The following PLXNA1 variants were observed in gnomAD, a reference collection of about 807,000 sequenced individuals.
PLXNA1 encodes the protein plexin A1, also known as plexin-A1.
PLXNA1 carries 77 observed loss-of-function variants against 191.7 expected under a neutral mutation model. The ratio of observed to expected loss-of-function variants is 0.40; its 90% CI spans 0.33 to 0.49. The LOEUF (loss-of-function observed/expected upper bound fraction) is 0.49, where lower values mean the gene tolerates loss of function less well. Among genes scored for constraint, PLXNA1 ranks in the 20% least tolerant of loss-of-function variants. The pLI is 0.63. For missense variants in PLXNA1, 2,110 were observed against 2,660.2 expected (o/e 0.79, Z 4.55); for synonymous variants, 1,137 against 1,156.4 (o/e 0.98, Z 0.34).
At chr3:126,996,589 TG>T (rs779344299) in intron 3 of PLXNA1, among the ~76,000 whole-genome samples, 10 of 152,052 alleles carry the variant, frequency 6.6e-5, no homozygotes, top group Admixed American at 4.6e-4. Flanking sequence ...GAGCTGGAGC[TG>T]GGGGGGCAAG....
In PLXNA1 at chr3:126,983,115, A is replaced by G. The variant is rs1305443934; in HGVS notation, c.-246A>G. On this transcript the variant is annotated 5_prime_UTR_variant, in exon 1 of 32. Transcript: ENST00000393409. The stretch of plus-strand genomic sequence containing the variant: ...GCAGCCGCGCGGCGCTCGGCGCCCC[A>G]TTCATGCTGGGCATCGGCTGCGCGG... Among the ~76,000 whole-genome samples the G allele has an allele frequency of 6.2e-5, 9 of 144,806 alleles. No individual in the cohort carries two copies. 95.0% of individuals were successfully genotyped at this position (144,806 alleles called of 152,430 possible). A position where few individuals can be genotyped will look rare whatever the true frequency, so the allele number is the denominator to read the frequency against.
rs79419790 is a variant in PLXNA1 at position 126,987,944 on chromosome 3, C to T, written c.-73-577C>T. On this transcript the variant is annotated intron_variant, in intron 1 of 31. Coordinates refer to ENST00000393409, the MANE Select transcript of PLXNA1 (RefSeq NM_032242.4). ...CCTGTGTGGCCTGGGCCTCCATGTCCTCCGTGGTGCCTCTGCTGTGGGCTG... is the reference window on the plus strand; with the variant it reads ...CCTGTGTGGCCTGGGCCTCCATGTCTTCCGTGGTGCCTCTGCTGTGGGCTG... Among the ~76,000 whole-genome samples, 1,264 of 152,158 alleles carry T rather than the reference C, an allele frequency of 8.3e-3. 60 individuals are homozygous for T. In the East Asian group the frequency reaches 0.091, roughly 11 times the overall value.
chr3:127,034,160 C>G lies in PLXNA1; in HGVS notation c.*143C>G, dbSNP rs2079227709. 3 of 705,060 alleles carry G rather than the reference C, an allele frequency of 4.3e-6. No homozygotes were observed. Among genetic ancestry groups the G allele is most frequent in the Non-Finnish European group, 7.0e-6 (3 of 425,854 alleles). 43.7% of individuals were successfully genotyped at this position (705,060 alleles called of 1,614,324 possible). On this transcript the variant is annotated 3_prime_UTR_variant, in exon 32 of 32. Coordinates refer to ENST00000393409, the MANE Select transcript of PLXNA1 (RefSeq NM_032242.4). Reference sequence around the variant, plus strand: ...GACTGCCCGGCCCTCCCTCCCCTGCCTCACCCGGTCGGGTCCCGGCTCTTC... The same window carrying G: ...GACTGCCCGGCCCTCCCTCCCCTGCGTCACCCGGTCGGGTCCCGGCTCTTC...
chr3:126,988,991 C>T lies in PLXNA1; in HGVS notation c.398C>T (p.Ala133Val), dbSNP rs2078975615. Residue 133 changes from alanine to valine, a missense_variant, in exon 2 of 32, where the codon GCC becomes GTC. Ala to Val is a moderately conservative substitution (Grantham distance 64). Transcript: ENST00000393409. The stretch of plus-strand genomic sequence containing the variant: ...AACCGCCTGCTGGCCTGTGGCAGCG[C>T]CTCCCAGGGCATCTGCCAGTTCCTG... ...AANRLLACGS[A>V]SQGICQFLRL... 1.2e-6 allele frequency: 2 copies of T among 1,613,216 alleles called. No individual in the cohort carries two copies. The highest frequency in any genetic ancestry group is 1.7e-6 in the Non-Finnish European group (2 of 1,180,032).
intron 3 of PLXNA1, among the ~76,000 whole-genome samples, chr3:126,995,055 C>CG (rs1210600476): frequency 6.6e-6 from 1 of 152,118 alleles, no homozygotes. Context: ...CTTTTCCGGG[C>CG]TTTAAAAAGT....
At chr3:127,006,289 G>A (rs958254916) in intron 8 of PLXNA1, 111 bp downstream of exon 8, 8 of 814,398 alleles carry the variant, frequency 9.8e-6, no homozygotes, top group Non-Finnish European at 4.2e-6. Context: ...ATGTGGCCAG[G>A]CAGCAGATGG....
intron 8 of PLXNA1, among the ~76,000 whole-genome samples, chr3:127,007,153 TG>T (rs1052649001): frequency 1.3e-5 from 2 of 152,148 alleles, no homozygotes; most frequent in African/African-American, 4.8e-5. Context: ...GTGGGGGAGC[TG>T]GCGGGTCAGG....
Position 127,016,018 on chromosome 3 carries a change from A to G in PLXNA1, c.3015-499A>G, listed in dbSNP as rs565390877. On this transcript the variant is annotated intron_variant, in intron 15 of 31. Coordinates refer to ENST00000393409, the MANE Select transcript of PLXNA1 (RefSeq NM_032242.4). ...TAGGAGTGGGTGCTGGGCTCCCAGCACTCGGAGCCCCGGCTGAGTGAGGCT... is the reference window on the plus strand; with the variant it reads ...TAGGAGTGGGTGCTGGGCTCCCAGCGCTCGGAGCCCCGGCTGAGTGAGGCT... Among the ~76,000 whole-genome samples, 8 of 152,190 alleles carry G rather than the reference A, an allele frequency of 5.3e-5. No individual in the cohort carries two copies. In the East Asian group the frequency reaches 1.6e-3, roughly 29 times the overall value.
rs567377855 is a variant in PLXNA1 at position 127,014,132 on chromosome 3, G to A, written c.2410+16G>A. ...AACATCCAGGGTGAGTGGGCGCCCC[G>A]GCGGGGTGGGCAGTGGGCGGGCCCG... On this transcript the variant is annotated intron_variant, in intron 11 of 31. Transcript: ENST00000393409. The A allele has an allele frequency of 8.7e-6, 14 of 1,613,314 alleles. No homozygotes were observed. The highest frequency in any genetic ancestry group is 5.0e-5 in the Admixed American group (3 of 60,014).
intron 20 of PLXNA1, 36 bp from the exon 21 acceptor site, chr3:127,020,166 A>G (rs375149605): frequency 2.5e-6 from 4 of 1,607,332 alleles, no homozygotes; most frequent in Non-Finnish European, 3.4e-6. Context: ...CGGGGCCACC[A>G]GGGCATGCTG....
chr3:127,018,198 A>G, intron 19 of PLXNA1, 96 bp from the exon 20 acceptor site: 2 of 1,121,846 alleles, frequency 1.8e-6, no homozygotes, highest in Non-Finnish European at 2.5e-6. Context: ...CCTTTCCCAC[A>G]GGCAGGTGTT....
chr3:126,993,543 C>T (rs1028000704), intron 3 of PLXNA1, among the ~76,000 whole-genome samples: 3 of 152,184 alleles, frequency 2.0e-5, no homozygotes, highest in African/African-American at 7.2e-5. Flanking sequence ...CCCCTCAGAG[C>T]CCCAAGTTCT....
chr3:127,001,860 G>C (rs1436180473), intron 3 of PLXNA1, among the ~76,000 whole-genome samples: 1 of 152,236 alleles, frequency 6.6e-6, no homozygotes, highest in African/African-American at 2.4e-5. Flanking sequence ...AGGCACTGTG[G>C]CCCAGAGGCT....
At chr3:126,985,011 G>A (rs2078951358) in intron 1 of PLXNA1, among the ~76,000 whole-genome samples, 1 of 152,186 alleles carries the variant, frequency 6.6e-6, no homozygotes, top group African/African-American at 2.4e-5. Context: ...AGTGCCAGGA[G>A]CAGCTGTCTT....
At chr3:127,002,671 G>A (rs920051216) in intron 3 of PLXNA1, among the ~76,000 whole-genome samples, 1 of 152,240 alleles carries the variant, frequency 6.6e-6, no homozygotes, top group East Asian at 1.9e-4. Flanking sequence ...GGAAAGCCCC[G>A]TGGGTCTCTC....
chr3:127,030,207 G>T, intron 28 of PLXNA1, 36 bp from the exon 29 acceptor site: 1 of 1,605,366 alleles, frequency 6.2e-7, no homozygotes, highest in Admixed American at 1.7e-5. Context: ...GCCAGGCAGC[G>T]CCCTGGGGCT....
chr3:126,988,530 T>C lies in PLXNA1; in HGVS notation c.-64T>C, dbSNP rs2078972128. The C allele has an allele frequency of 7.3e-7, 1 of 1,376,136 alleles. No individual in the cohort carries two copies. The highest frequency in any genetic ancestry group is 9.6e-7 in the Non-Finnish European group (1 of 1,043,550). 85.2% of individuals were successfully genotyped at this position (1,376,136 alleles called of 1,614,324 possible). ...TCTGCCCCTTCCCCAGGGCTGAAGC[T>C]CCTGGCACCATGATGCTCACCCCAG... On this transcript the variant is annotated 5_prime_UTR_variant, in exon 2 of 32. Coordinates refer to ENST00000393409, the MANE Select transcript of PLXNA1 (RefSeq NM_032242.4).
chr3:127,027,269 A>G (rs1576690313), intron 23 of PLXNA1: 1 of 239,466 alleles, frequency 4.2e-6, no homozygotes, highest in South Asian at 5.6e-5. Context: ...GGGGAGCCGG[A>G]GGGTGAGGGG....
chr3:127,018,178 G>C, intron 19 of PLXNA1, 116 bp from the exon 20 acceptor site: 1 of 1,018,474 alleles, frequency 9.8e-7, no homozygotes, highest in Admixed American at 2.4e-5. Context: ...CTGTGCCCCT[G>C]TCGGTGGGAC....
Sources: gnomAD v4.1 joint callset for allele counts (sites outside exome capture counted in the v4.1 genomes callset) on GRCh38, gnomAD v4.1.1 for gene constraint, MANE v1.5 for transcripts, NCBI Gene and HGNC (gene_info 2026-07-23, HGNC 2026-07-21) for gene names.